Variants in INTS13 observed in about 807,000 individuals in gnomAD.
INTS13 encodes the protein integrator complex subunit 13.
A neutral mutation model predicts 90.2 loss-of-function variants in INTS13; 35 were observed. That is an observed-to-expected ratio of 0.39 (90% CI 0.30 to 0.51). The LOEUF (loss-of-function observed/expected upper bound fraction) is 0.51, where lower values mean the gene tolerates loss of function less well. INTS13 is among the 20% of genes least tolerant of loss of function. INTS13 has a pLI of 0.80. For synonymous variants in INTS13, 309 were observed against 277.1 expected (o/e 1.11, Z -1.14); for missense variants, 601 against 851.2 (o/e 0.71, Z 3.66).
intron 8 of INTS13, among the ~76,000 whole-genome samples, chr12:26,921,829 A>C (rs912471247): frequency 2.0e-5 from 3 of 152,034 alleles, no homozygotes; most frequent in African/African-American, 7.2e-5. Context: ...CTAATTTTTT[A>C]ATTTTTAGTA....
intron 10 of INTS13, among the ~76,000 whole-genome samples, chr12:26,916,885 T>C (rs1951949670): frequency 6.6e-6 from 1 of 152,184 alleles, no homozygotes; most frequent in South Asian, 2.1e-4. Context: ...AAACATAATA[T>C]TTATTTATGA....
chr12:26,914,560 T>G lies in INTS13; in HGVS notation c.1267A>C (p.Arg423=). The part of the protein sequence containing the change: ...YRITDFGEFM[R]ENRLTPFLDP... ...AGAAAAGGAGTTAATCTGTTTTCCC[T>G]CATAAATTCACCAAAATCCTAATGA... Residue 423 remains arginine (R), a synonymous_variant, in exon 12 of 17, where the codon AGG becomes CGG. Transcript: ENST00000261191. 6.2e-7 allele frequency: 1 copy of G among 1,610,972 alleles called. No individual in the cohort carries two copies. Among genetic ancestry groups the G allele is most frequent in the Non-Finnish European group, 8.5e-7 (1 of 1,178,764 alleles).
At chr12:26,917,807 T>A in intron 8 of INTS13, 74 bp from the exon 9 acceptor site, 15 of 723,982 alleles carry the variant, frequency 2.1e-5, no homozygotes, top group South Asian at 4.3e-5. Flanking sequence ...CATAAATATG[T>A]ACAATTATGT....
At chr12:26,930,106 C>G (rs969016272) in intron 3 of INTS13, among the ~76,000 whole-genome samples, 4 of 152,012 alleles carry the variant, frequency 2.6e-5, no homozygotes, top group Non-Finnish European at 5.9e-5. Context: ...ATAAATTTAA[C>G]AAGAACTATA....
Position 26,922,634 on chromosome 12 carries a change from C to T in INTS13, c.871G>A (p.Val291Ile), listed in dbSNP as rs781295277. The change falls in exon 8 of 17, where the codon GTA becomes ATA. Residue 291 changes from valine (V) to isoleucine (I), a missense_variant. Physicochemically the swap from Val to Ile is conservative, Grantham distance 29. Around this residue, in one of 3 missense-constraint regions of INTS13, gnomAD observed 284 missense variants for 387.7 expected, o/e 0.73. Coordinates refer to ENST00000261191, the MANE Select transcript of INTS13 (RefSeq NM_018164.3). ...VELLHHKDAHVDFLKSGDSHL... is the reference protein window; with the variant it reads ...VELLHHKDAHIDFLKSGDSHL... Reference sequence around the variant, plus strand: ...CTCTTACCACTTTTCAGGAAATCTACATGTGCATCTTTGTGATGAAGTAGC... The same window carrying T: ...CTCTTACCACTTTTCAGGAAATCTATATGTGCATCTTTGTGATGAAGTAGC... 1 of 1,580,026 alleles carries T rather than the reference C, an allele frequency of 6.3e-7. No individual in the cohort carries two copies. The highest frequency in any genetic ancestry group is 2.3e-5 in the East Asian group (1 of 42,920).
intron 3 of INTS13, among the ~76,000 whole-genome samples, chr12:26,931,462 A>AGAAAAG (rs1317682223): frequency 1.3e-5 from 2 of 151,804 alleles, no homozygotes; most frequent in East Asian, 1.9e-4. Context: ...TAAAAGAAAA[A>AGAAAAG]GAAAACAAAC....
chr12:26,913,776 T>C, intron 13 of INTS13, 89 bp from the exon 14 acceptor site: 2 of 1,228,294 alleles, frequency 1.6e-6, no homozygotes. Flanking sequence ...AAATGTGGAC[T>C]TCCTTCCTCT....
chr12:26,929,428 A>G (rs569348523), intron 3 of INTS13, among the ~76,000 whole-genome samples: 32 of 152,248 alleles, frequency 2.1e-4, no homozygotes, highest in Admixed American at 1.2e-3. Flanking sequence ...AAAAGAAATA[A>G]AAGAAATTCA....
intron 3 of INTS13, among the ~76,000 whole-genome samples, chr12:26,933,190 AC>A (rs1316279175): frequency 6.6e-6 from 1 of 152,230 alleles, no homozygotes; most frequent in Non-Finnish European, 1.5e-5. Flanking sequence ...AGAATGACTG[AC>A]AATGAGATGA....
At chr12:26,936,951 G>A (rs1378953248) in intron 1 of INTS13, 137 bp from the exon 2 acceptor site, 4 of 637,364 alleles carry the variant, frequency 6.3e-6, no homozygotes, top group South Asian at 1.9e-5. Flanking sequence ...AAATCTGTCC[G>A]ACAAAGGACA....
At chr12:26,911,870 C>T (rs1208316818) in intron 14 of INTS13, among the ~76,000 whole-genome samples, 1 of 152,180 alleles carries the variant, frequency 6.6e-6, no homozygotes, top group Admixed American at 6.5e-5. Context: ...TTCCCTCTTA[C>T]AGTGAGCCAG....
upstream of INTS13, chr12:26,938,054 G>C (rs1329695522): frequency 6.5e-6 from 1 of 152,720 alleles, no homozygotes; most frequent in Non-Finnish European, 1.5e-5. Flanking sequence ...CGATAGCCCG[G>C]CCAAGCCTCC....
intron 6 of INTS13, among the ~76,000 whole-genome samples, chr12:26,925,016 TACA>T (rs1937787813): frequency 1.3e-5 from 2 of 152,102 alleles, no homozygotes; most frequent in South Asian, 4.1e-4. Flanking sequence ...TAATATTAAT[TACA>T]AATAAGTTTT....
chr12:26,912,089 G>A (rs1056990019), intron 14 of INTS13, among the ~76,000 whole-genome samples: 1 of 152,180 alleles, frequency 6.6e-6, no homozygotes, highest in African/African-American at 2.4e-5. Context: ...GGTAGATGAT[G>A]AGTAACTATC....
chr12:26,924,628 AC>A, intron 6 of INTS13, 145 bp from the exon 7 acceptor site: 1 of 899,012 alleles, frequency 1.1e-6, no homozygotes, highest in South Asian at 1.9e-5. Flanking sequence ...ATTAACCATG[AC>A]AATTATTTTA....
chr12:26,937,258 AG>A (rs1278290639), intron 1 of INTS13, among the ~76,000 whole-genome samples: 3 of 152,182 alleles, frequency 2.0e-5, no homozygotes. Context: ...AAACGTTTGA[AG>A]GGGGACTGGC....
intron 15 of INTS13, among the ~76,000 whole-genome samples, chr12:26,909,675 A>G (rs897208510): frequency 1.3e-5 from 2 of 152,200 alleles, no homozygotes; most frequent in Admixed American, 6.5e-5. Context: ...ATGAGAAATA[A>G]TTTATCAAAA....
intron 15 of INTS13, 118 bp from the exon 16 acceptor site, chr12:26,906,555 T>C (rs1951616556): frequency 9.5e-6 from 10 of 1,056,874 alleles, no homozygotes; most frequent in Non-Finnish European, 1.4e-5. Context: ...ATTAAGGCAG[T>C]TAATTCTGTA....
At chr12:26,913,397 C>T in intron 14 of INTS13, 60 bp downstream of exon 14, 1 of 1,227,722 alleles carries the variant, frequency 8.1e-7, no homozygotes, top group Non-Finnish European at 1.2e-6. Flanking sequence ...TGAAAGTGTT[C>T]TATGCAGAAT....
Sources: allele counts gnomAD v4.1 joint callset (sites outside exome capture counted in the v4.1 genomes callset), GRCh38; gene constraint gnomAD v4.1.1; regional missense constraint gnomAD v4.1.1; transcripts MANE v1.5; gene names NCBI Gene and HGNC (gene_info 2026-07-23, HGNC 2026-07-21).